The following ANKRD31 variants were observed in gnomAD, a reference collection of about 807,000 sequenced individuals.
ANKRD31 encodes ankyrin repeat domain-containing protein 31.
A neutral mutation model predicts 186.0 loss-of-function variants in ANKRD31; 147 were observed. The observed-to-expected ratio is 0.79, with a 90% CI of 0.69 to 0.91. The LOEUF (loss-of-function observed/expected upper bound fraction) is 0.91. Among genes scored for constraint, ANKRD31 ranks in the 40% least tolerant of loss-of-function variants. The pLI, the probability that ANKRD31 is intolerant of heterozygous loss-of-function variation, is 0.00. For synonymous variants in ANKRD31, 673 were observed against 736.4 expected, an observed-to-expected ratio of 0.91 and a Z score of 1.39; for missense variants, 1,986 against 2,148.8, an observed-to-expected ratio of 0.92 and a Z score of 1.50.
intron 22 of ANKRD31, among the ~76,000 whole-genome samples, chr5:75,093,972 C>G (rs1420809732): frequency 6.6e-6 from 1 of 152,098 alleles, no homozygotes; most frequent in African/African-American, 2.4e-5. Flanking sequence ...CATACAGTAC[C>G]AGTAAAGGTA....
intron 25 of ANKRD31, among the ~76,000 whole-genome samples, chr5:75,075,697 G>A (rs143043580): frequency 6.6e-6 from 1 of 152,126 alleles, no homozygotes; most frequent in East Asian, 1.9e-4. Flanking sequence ...AGAGAGATGG[G>A]AACAGATAAA....
At chr5:75,224,494 A>C (rs913974420) in intron 2 of ANKRD31, among the ~76,000 whole-genome samples, 1 of 152,050 alleles carries the variant, frequency 6.6e-6, no homozygotes, top group Non-Finnish European at 1.5e-5. Flanking sequence ...ATGGACATAC[A>C]CACACACATA....
intron 24 of ANKRD31, 83 bp from the exon 25 acceptor site, chr5:75,080,722 C>G (rs537557467): frequency 2.1e-4 from 153 of 725,186 alleles, no homozygotes; most frequent in Non-Finnish European, 2.2e-4. Flanking sequence ...GTCACCCTAC[C>G]GATGGGAAAT....
chr5:75,146,302 A>G lies in ANKRD31; in HGVS notation c.3109T>C (p.Tyr1037His). The G allele has an allele frequency of 6.5e-7, 1 of 1,536,520 alleles. No homozygotes were observed. Among genetic ancestry groups the G allele is most frequent in the Non-Finnish European group, 8.7e-7 (1 of 1,146,450 alleles). ...HVELFKKPQD[Y>H]IPRAPTFLMN... Reference sequence around the variant, plus strand: ...AAAAAAGTTGGTGCTCTGGGAATATAATCCTGTGGCTTTTTGAATAGCTCC... The same window carrying G: ...AAAAAAGTTGGTGCTCTGGGAATATGATCCTGTGGCTTTTTGAATAGCTCC... Residue 1037 changes from tyrosine to histidine, a missense_variant, in exon 14 of 26, where the codon TAT becomes CAT. Tyr to His is a moderately conservative substitution (Grantham distance 83). Coordinates refer to ENST00000506364, the MANE Select transcript of ANKRD31 (RefSeq NM_001372053.1).
chr5:75,221,074 A>G (rs980321199), intron 3 of ANKRD31, among the ~76,000 whole-genome samples: 2 of 152,236 alleles, frequency 1.3e-5, no homozygotes. Context: ...ATGCAGAAAC[A>G]GAAAACCAAA....
At chr5:75,234,463 G>C (rs1758133637) in intron 1 of ANKRD31, among the ~76,000 whole-genome samples, 2 of 152,236 alleles carry the variant, frequency 1.3e-5, no homozygotes, top group African/African-American at 4.8e-5. Flanking sequence ...AGGAGTTAGA[G>C]GCTTCAGTGA....
intron 10 of ANKRD31, among the ~76,000 whole-genome samples, chr5:75,181,465 G>A (rs2150219942): frequency 6.6e-6 from 1 of 152,188 alleles, no homozygotes; most frequent in East Asian, 1.9e-4. Context: ...ATTCACAATA[G>A]CAAAGACTTG....
At chr5:75,155,136 A>C (rs896574714) in intron 11 of ANKRD31, among the ~76,000 whole-genome samples, 1 of 152,128 alleles carries the variant, frequency 6.6e-6, no homozygotes, top group African/African-American at 2.4e-5. Flanking sequence ...TTCAAAATAC[A>C]GAAGGCTCAG....
At chr5:75,110,397 A>C (rs1369433935) in intron 20 of ANKRD31, among the ~76,000 whole-genome samples, 2 of 152,060 alleles carry the variant, frequency 1.3e-5, no homozygotes, top group East Asian at 3.9e-4. Flanking sequence ...AGTTCTCAAA[A>C]TAGGGAATAA....
At chr5:75,179,715 T>C (rs1174277454) in intron 10 of ANKRD31, among the ~76,000 whole-genome samples, 2 of 152,126 alleles carry the variant, frequency 1.3e-5, no homozygotes, top group Admixed American at 6.6e-5. Flanking sequence ...ATAAATTAGG[T>C]ATTGATGGGA....
At chr5:75,185,614 G>A (rs1754656294) in intron 10 of ANKRD31, among the ~76,000 whole-genome samples, 1 of 151,900 alleles carries the variant, frequency 6.6e-6, no homozygotes, top group South Asian at 2.1e-4. Flanking sequence ...TGAAGAGTTG[G>A]GTGACTAGAG....
At chr5:75,200,298 T>C (rs1023865703) in intron 5 of ANKRD31, among the ~76,000 whole-genome samples, 1 of 40,844 alleles carries the variant, frequency 2.4e-5, no homozygotes, top group Non-Finnish European at 3.7e-5. Flanking sequence ...TCTTTCTTTC[T>C]TTTTTTTTTT....
At chr5:75,099,936 T>G (rs997843854) in intron 22 of ANKRD31, among the ~76,000 whole-genome samples, 12 of 152,126 alleles carry the variant, frequency 7.9e-5, no homozygotes, top group East Asian at 1.9e-4. Context: ...GTTCTGCTCT[T>G]ATCTTAGTTA....
At chr5:75,154,763 T>C (rs1377204381) in intron 11 of ANKRD31, among the ~76,000 whole-genome samples, 2 of 152,104 alleles carry the variant, frequency 1.3e-5, no homozygotes, top group East Asian at 1.9e-4. Flanking sequence ...GGTTCTGTAG[T>C]AGTAAATATA....
chr5:75,146,927 A>G lies in ANKRD31; in HGVS notation c.2484T>C (p.Ser828=). Residue 828 remains serine, a synonymous_variant, in exon 14 of 26, where the codon TCT becomes TCC. Coordinates refer to ENST00000506364, the MANE Select transcript of ANKRD31 (RefSeq NM_001372053.1). ...SQEVQCLELE[S]VDQTEAVSFP... ...AAGAAACAGCTTCAGTTTGGTCAAC[A>G]GATTCTAATTCCAAGCATTGAACTT... The G allele has an allele frequency of 6.5e-7, 1 of 1,536,398 alleles. No homozygotes were observed. Among genetic ancestry groups the G allele is most frequent in the Non-Finnish European group, 8.7e-7 (1 of 1,146,350 alleles).
chr5:75,124,178 T>G (rs1460141091), intron 17 of ANKRD31, among the ~76,000 whole-genome samples: 2 of 152,088 alleles, frequency 1.3e-5, no homozygotes, highest in East Asian at 1.9e-4. Context: ...AACAAGCATA[T>G]GAAAAAATGC....
chr5:75,094,150 G>A (rs556988508), intron 22 of ANKRD31, among the ~76,000 whole-genome samples: 4 of 152,228 alleles, frequency 2.6e-5, no homozygotes, highest in African/African-American at 7.2e-5. Flanking sequence ...GTAGGTGGGA[G>A]CAAAGCTTTA....
At position 75,115,917 on chromosome 5, in the gene ANKRD31, C is replaced by G. The variant is rs1400350076; in HGVS notation, c.4155+649G>C. Among the ~76,000 whole-genome samples the G allele has an allele frequency of 2.0e-5, 3 of 151,986 alleles. No homozygotes were observed. In the East Asian group the frequency reaches 5.8e-4, roughly 29 times the overall value. On this transcript the variant is annotated intron_variant, in intron 19 of 25. Coordinates refer to ENST00000506364, the MANE Select transcript of ANKRD31 (RefSeq NM_001372053.1). ...AGCAATCCCATTACTGGGTATATAC[C>G]CAAAGGATTATAAATCATGCTGCTA...
chr5:75,146,683 C>T lies in ANKRD31; in HGVS notation c.2728G>A (p.Glu910Lys), dbSNP rs761466999. 2.8e-5 allele frequency: 43 copies of T among 1,536,092 alleles called. No homozygotes were observed. Among genetic ancestry groups the T allele is most frequent in the Non-Finnish European group, 3.8e-5 (43 of 1,146,264 alleles). Residue 910 changes from glutamate to lysine, a missense_variant, in exon 14 of 26, where the codon GAG (glutamate) becomes AAG (lysine). By Grantham distance (56) the Glu-to-Lys change is moderately conservative (BLOSUM62 1). Coordinates refer to ENST00000506364, the MANE Select transcript of ANKRD31 (RefSeq NM_001372053.1). ...ACCTTTTTAGATGTTATAGCCTTCTCAGAGGTAGAGCAATCATCATCATCA... is the reference window on the plus strand; with the variant it reads ...ACCTTTTTAGATGTTATAGCCTTCTTAGAGGTAGAGCAATCATCATCATCA... Reference protein sequence around the residue: ...NDDDDDCSTSEKAITSKKVLC... With the variant: ...NDDDDDCSTSKKAITSKKVLC...
Sources: allele counts gnomAD v4.1 joint callset (sites outside exome capture counted in the v4.1 genomes callset), GRCh38; gene constraint gnomAD v4.1.1; transcripts MANE v1.5; gene names NCBI Gene and HGNC (gene_info 2026-07-23, HGNC 2026-07-21).